The following CTNNA3 variants were observed in gnomAD, a reference collection of about 807,000 sequenced individuals.
The protein encoded by CTNNA3 is catenin alpha-3.
CTNNA3 carries 76 observed loss-of-function variants against 95.7 expected under a neutral mutation model. The observed-to-expected ratio is 0.79, with a 90% CI of 0.66 to 0.96. CTNNA3 has a LOEUF of 0.96. Ranked by LOEUF, CTNNA3 falls within the 40% of genes least tolerant of loss-of-function variation. CTNNA3 has a pLI of 0.00. For missense variants in CTNNA3, 1,191 were observed against 1,089.8 expected, an observed-to-expected ratio of 1.09 and a Z score of -1.31; for synonymous variants, 431 against 374.4, an observed-to-expected ratio of 1.15 and a Z score of -1.74.
At chr10:67,581,587 G>A (rs1361326593) in intron 3 of CTNNA3, among the ~76,000 whole-genome samples, 3 of 152,164 alleles carry the variant, frequency 2.0e-5, no homozygotes, top group Non-Finnish European at 4.4e-5. Context: ...ATGAGTTAGG[G>A]AGGATTCCCT....
At chr10:67,436,842 C>A (rs562145509) in intron 5 of CTNNA3, among the ~76,000 whole-genome samples, 1 of 151,966 alleles carries the variant, frequency 6.6e-6, no homozygotes, top group Non-Finnish European at 1.5e-5. Flanking sequence ...GGCATGGATG[C>A]GGTGATCAGG....
intron 9 of CTNNA3, among the ~76,000 whole-genome samples, chr10:66,672,019 C>A (rs1589104087): frequency 1.3e-5 from 2 of 152,136 alleles, no homozygotes; most frequent in East Asian, 3.9e-4. Flanking sequence ...ACTCTTCAAA[C>A]CTGTCAGCAT....
intron 13 of CTNNA3, among the ~76,000 whole-genome samples, chr10:66,126,233 A>T (rs3907196): frequency 0.18 from 27,290 of 152,160 alleles, 2,727 homozygotes; most frequent in South Asian, 0.38. Context: ...GTACAGGTTA[A>T]TGATTCTCAT....
At chr10:66,608,759 C>T (rs1315428289) in intron 10 of CTNNA3, among the ~76,000 whole-genome samples, 1 of 152,080 alleles carries the variant, frequency 6.6e-6, no homozygotes, top group Non-Finnish European at 1.5e-5. Flanking sequence ...AAACTGGACC[C>T]CTTCCTTACA....
chr10:67,693,764 T>G (rs1399343268), intron 1 of CTNNA3, among the ~76,000 whole-genome samples: 2 of 152,326 alleles, frequency 1.3e-5, no homozygotes, highest in East Asian at 3.9e-4. Flanking sequence ...CAATAATTAG[T>G]TGTATTTATC....
intron 15 of CTNNA3, among the ~76,000 whole-genome samples, chr10:66,068,850 A>C (rs1418016309): frequency 6.6e-6 from 1 of 152,220 alleles, no homozygotes; most frequent in Non-Finnish European, 1.5e-5. Context: ...CATGGCTATC[A>C]TTAAGTGATT....
chr10:66,174,757 C>T (rs1289227547), intron 13 of CTNNA3, among the ~76,000 whole-genome samples: 1 of 151,988 alleles, frequency 6.6e-6, no homozygotes, highest in East Asian at 1.9e-4. Context: ...ACCAATCCCC[C>T]ATGTATACTG....
intron 11 of CTNNA3, among the ~76,000 whole-genome samples, chr10:66,448,284 C>A (rs1457676521): frequency 6.6e-6 from 1 of 152,136 alleles, no homozygotes; most frequent in Non-Finnish European, 1.5e-5. Flanking sequence ...CCACAGGGAT[C>A]TAGAACTAGA....
chr10:66,737,258 T>G (rs1326218534), intron 9 of CTNNA3, among the ~76,000 whole-genome samples: 1 of 152,198 alleles, frequency 6.6e-6, no homozygotes, highest in African/African-American at 2.4e-5. Context: ...TGATTATGAC[T>G]GTTTAATGGC....
At chr10:66,069,242 G>T (rs2080377365) in intron 15 of CTNNA3, 66 bp downstream of exon 15, 13 of 1,492,812 alleles carry the variant, frequency 8.7e-6, no homozygotes, top group Admixed American at 6.9e-5. Context: ...GAATCTTGAG[G>T]TTTCACTAAT....
chr10:67,476,202 A>C (rs1341377387), intron 5 of CTNNA3, among the ~76,000 whole-genome samples: 1 of 151,908 alleles, frequency 6.6e-6, no homozygotes, highest in Non-Finnish European at 1.5e-5. Flanking sequence ...AGTCGTCCCC[A>C]CCCACCCTTC....
chr10:66,766,469 T>C, intron 8 of CTNNA3, 53 bp from the exon 9 acceptor site: 1 of 1,499,904 alleles, frequency 6.7e-7, no homozygotes, highest in Non-Finnish European at 9.0e-7. Flanking sequence ...TAGTTCACTG[T>C]GTTTCCTTTT....
At chr10:67,079,263 C>T (rs1856910014) in intron 7 of CTNNA3, among the ~76,000 whole-genome samples, 2 of 152,242 alleles carry the variant, frequency 1.3e-5, no homozygotes, top group Admixed American at 6.5e-5. Context: ...GGGAAGAGTC[C>T]TAGGAATTTA....
At chr10:67,237,386 A>T (rs1192971268) in intron 5 of CTNNA3, among the ~76,000 whole-genome samples, 6 of 150,878 alleles carry the variant, frequency 4.0e-5, no homozygotes, top group Non-Finnish European at 7.4e-5. Flanking sequence ...TGGGGTGGGG[A>T]GGTGTGGAAT....
At chr10:67,469,525 C>T (rs548450901) in intron 5 of CTNNA3, among the ~76,000 whole-genome samples, 6 of 150,860 alleles carry the variant, frequency 4.0e-5, no homozygotes, top group African/African-American at 1.2e-4. Flanking sequence ...AACCAAACAC[C>T]GCATGTTCTC....
At chr10:67,253,646 G>A (rs1219559581) in intron 5 of CTNNA3, among the ~76,000 whole-genome samples, 1 of 152,320 alleles carries the variant, frequency 6.6e-6, no homozygotes, top group East Asian at 1.9e-4. Flanking sequence ...GTTGGGAGTA[G>A]AGAATGCAGA....
At chr10:66,872,792 C>T (rs912469052) in intron 7 of CTNNA3, among the ~76,000 whole-genome samples, 2 of 152,078 alleles carry the variant, frequency 1.3e-5, no homozygotes. Context: ...ATTCCTGTCA[C>T]TGAGGCAGTG....
intron 12 of CTNNA3, among the ~76,000 whole-genome samples, chr10:66,355,075 T>C (rs1442510285): frequency 6.6e-6 from 1 of 152,158 alleles, no homozygotes; most frequent in Non-Finnish European, 1.5e-5. Flanking sequence ...GGCTTAATTC[T>C]GGTGTGGCGT....
intron 5 of CTNNA3, among the ~76,000 whole-genome samples, chr10:67,455,999 A>G (rs149839469): frequency 3.4e-4 from 52 of 152,314 alleles, no homozygotes; most frequent in African/African-American, 1.2e-3. Context: ...AGAAAGGTAT[A>G]CAAGAACTCC....
Sources: allele counts gnomAD v4.1 joint callset (sites outside exome capture counted in the v4.1 genomes callset), GRCh38; gene constraint gnomAD v4.1.1; transcripts MANE v1.5; gene names NCBI Gene and HGNC (gene_info 2026-07-23, HGNC 2026-07-21).